The following TCF4 variants were observed in gnomAD, a reference collection of about 807,000 sequenced individuals.
The protein encoded by TCF4 is SL3-3 enhancer factor 2.
A neutral mutation model predicts 82.1 loss-of-function variants in TCF4; 3 were observed. That is an observed-to-expected ratio of 0.04 (90% CI 0.02 to 0.09). The LOEUF is 0.09. TCF4 is among the 10% of genes least tolerant of loss of function. The probability of loss-of-function intolerance (pLI) is 1.00; values close to 1 mark genes in which losing one functional copy is unlikely to be tolerated. For missense variants in TCF4, 518 were observed against 852.7 expected, an observed-to-expected ratio of 0.61 and a Z score of 4.89; for synonymous variants, 276 against 309.6, an observed-to-expected ratio of 0.89 and a Z score of 1.14.
chr18:55,321,460 T>C (rs2075462828), intron 8 of TCF4: 2 of 718,974 alleles, frequency 2.8e-6, no homozygotes, highest in Admixed American at 4.7e-5. Flanking sequence ...ATTTTTCTAC[T>C]CTGGGGGAGG....
rs767732159 is a variant in TCF4, at chr18:55,226,001, ACTT to A, written c.*2031_*2033del. 2.0e-5 allele frequency: 3 copies of A among 150,324 alleles called. No homozygotes were observed. Among genetic ancestry groups the A allele is most frequent in the Non-Finnish European group, 3.0e-5 (2 of 67,310 alleles). The allele number at this position is 150,324 out of a possible 1,614,324, so 9.3% of individuals were successfully genotyped here. On this transcript the variant is annotated 3_prime_UTR_variant, in exon 20 of 20. Coordinates refer to ENST00000354452, the MANE Select transcript of TCF4 (RefSeq NM_001083962.2). Reference sequence around the variant, plus strand: ...CTTGTAGCTATTTCATTTAAATGAGACTTCTTTTTAAACCACAGTTTTTAAAAA... The same window carrying A: ...CTTGTAGCTATTTCATTTAAATGAGACTTTTTAAACCACAGTTTTTAAAAA...
At chr18:55,259,880 C>T (rs1205856016) in intron 13 of TCF4, 69 bp downstream of exon 13, 1 of 1,347,454 alleles carries the variant, frequency 7.4e-7, no homozygotes, top group South Asian at 1.2e-5. Flanking sequence ...CCTACAAAAT[C>T]AGGAAGTACA....
chr18:55,548,770 G>T (rs149591052), intron 3 of TCF4, among the ~76,000 whole-genome samples: 1 of 152,306 alleles, frequency 6.6e-6, no homozygotes, highest in African/African-American at 2.4e-5. Flanking sequence ...TGGTATTTGT[G>T]TATCTGAGCA....
In TCF4 at chr18:55,310,887, C is replaced by CT. The variant is rs2072160365; in HGVS notation, c.550-31232_550-31231insA. Among the ~76,000 whole-genome samples the CT allele has an allele frequency of 5.3e-5, 8 of 151,842 alleles. No individual in the cohort carries two copies. In the South Asian group the frequency reaches 1.7e-3, roughly 32 times the overall value. ...TCATTTAGGATGATTCAAGACAAAC[C>CT]AATAGTTACACTGATAGAGGGTTCT... On this transcript the variant is annotated intron_variant, in intron 8 of 19. Coordinates refer to ENST00000354452, the MANE Select transcript of TCF4 (RefSeq NM_001083962.2).
intron 3 of TCF4, among the ~76,000 whole-genome samples, chr18:55,568,690 T>A (rs2097431802): frequency 1.3e-5 from 2 of 152,160 alleles, no homozygotes. Flanking sequence ...AAGAACAGAT[T>A]GTTTCATCCT....
intron 3 of TCF4, among the ~76,000 whole-genome samples, chr18:55,573,588 G>A (rs1028169307): frequency 2.6e-5 from 4 of 152,126 alleles, no homozygotes; most frequent in Non-Finnish European, 5.9e-5. Flanking sequence ...ACCCCCACCA[G>A]CCACAGCGGC....
At chr18:55,491,175 CCTT>C (rs1324105917) in intron 3 of TCF4, among the ~76,000 whole-genome samples, 1 of 152,008 alleles carries the variant, frequency 6.6e-6, no homozygotes, top group Non-Finnish European at 1.5e-5. Flanking sequence ...TCTATGCAGT[CCTT>C]CTTTTAGTTA....
At chr18:55,490,674 C>T (rs183048176) in intron 3 of TCF4, among the ~76,000 whole-genome samples, 46 of 151,976 alleles carry the variant, frequency 3.0e-4, no homozygotes, top group Non-Finnish European at 5.7e-4. Flanking sequence ...TTGTGTAGTT[C>T]AGGCACGTTA....
At chr18:55,400,585 C>T (rs975402203) in intron 6 of TCF4, among the ~76,000 whole-genome samples, 4 of 152,096 alleles carry the variant, frequency 2.6e-5, no homozygotes, top group Non-Finnish European at 5.9e-5. Context: ...AATAAAGAAC[C>T]TGCCGGCTTT....
intron 3 of TCF4, among the ~76,000 whole-genome samples, chr18:55,492,022 G>A (rs559968742): frequency 6.6e-6 from 1 of 152,204 alleles, no homozygotes; most frequent in Non-Finnish European, 1.5e-5. Context: ...GTTCCGATTG[G>A]TGCAAATTGT....
chr18:55,366,034 G>T, intron 6 of TCF4, among the ~76,000 whole-genome samples: 1 of 149,116 alleles, frequency 6.7e-6, no homozygotes, highest in African/African-American at 2.4e-5. Flanking sequence ...AGATATATAA[G>T]ACATATATAG....
At position 55,390,286 on chromosome 18, in the gene TCF4, T is replaced by TAA. The variant is rs56965997; in HGVS notation, c.369+13166_369+13167dup. On this transcript the variant is annotated intron_variant, in intron 6 of 19. Transcript: ENST00000354452. ...GGCAACACAGCAGGACCCTGACTCT[T>TAA]AAAAAAAAAAAAAAAAAAAAAAAAG... 7.2e-3 allele frequency among the ~76,000 whole-genome samples: 593 copies of TAA among 82,168 alleles called. 12 individuals are homozygous for TAA. Among genetic ancestry groups the TAA allele is most frequent in the African/African-American group, 0.022 (422 of 19,580 alleles). The allele number at this position is 82,168 out of a possible 152,430, so 53.9% of individuals were successfully genotyped here.
chr18:55,621,165 G>A (rs2097717590), intron 2 of TCF4, among the ~76,000 whole-genome samples: 1 of 151,514 alleles, frequency 6.6e-6, no homozygotes, highest in African/African-American at 2.4e-5. Flanking sequence ...CTAGCTGTGG[G>A]ACACAGGTCT....
At chr18:55,474,825 A>G (rs1469323594) in intron 3 of TCF4, among the ~76,000 whole-genome samples, 1 of 152,000 alleles carries the variant, frequency 6.6e-6, no homozygotes, top group Non-Finnish European at 1.5e-5. Flanking sequence ...CACAGGCTGG[A>G]GTCCAGTGGC....
intron 15 of TCF4, among the ~76,000 whole-genome samples, chr18:55,241,115 T>C (rs1278684729): frequency 6.6e-6 from 1 of 152,214 alleles, no homozygotes; most frequent in African/African-American, 2.4e-5. Context: ...GGGCTGAAAC[T>C]CCCCTGGATG....
chr18:55,487,414 T>TA (rs1299110109), intron 3 of TCF4, among the ~76,000 whole-genome samples: 1 of 152,188 alleles, frequency 6.6e-6, no homozygotes, highest in Non-Finnish European at 1.5e-5. Context: ...TCTGGGCACC[T>TA]ATGAACCAGG....
At chr18:55,469,460 T>G (rs1368231950) in intron 3 of TCF4, 3 of 150,578 alleles carry the variant, frequency 2.0e-5, no homozygotes, top group African/African-American at 7.4e-5. Flanking sequence ...CGAGACTGTC[T>G]CAAAAAAAAA....
chr18:55,235,871 A>C (rs1002920951), intron 15 of TCF4, among the ~76,000 whole-genome samples: 20 of 152,200 alleles, frequency 1.3e-4, no homozygotes, highest in Non-Finnish European at 7.3e-5. Flanking sequence ...TTGTGTTACC[A>C]ATATATTTTA....
At chr18:55,300,297 G>A (rs1395017609) in intron 8 of TCF4, among the ~76,000 whole-genome samples, 2 of 152,108 alleles carry the variant, frequency 1.3e-5, no homozygotes, top group Non-Finnish European at 2.9e-5. Flanking sequence ...GGACTGACCT[G>A]CTCTGGGACT....
Sources: gnomAD v4.1 joint callset for allele counts (sites outside exome capture counted in the v4.1 genomes callset) on GRCh38, gnomAD v4.1.1 for gene constraint, MANE v1.5 for transcripts, NCBI Gene and HGNC (gene_info 2026-07-23, HGNC 2026-07-21) for gene names.